NEIL3: variants seen among roughly 807,000 people sequenced by gnomAD.
The protein encoded by NEIL3 is nei like DNA glycosylase 3, also known as endonuclease 8-like 3.
Under a neutral mutation model 57.5 loss-of-function variants are expected in NEIL3, and 48 were observed. The ratio of observed to expected loss-of-function variants is 0.83; its 90% CI spans 0.66 to 1.06. The LOEUF (loss-of-function observed/expected upper bound fraction) is 1.06. Among genes scored for constraint, NEIL3 ranks in the 50% least tolerant of loss-of-function variants. NEIL3 has a pLI of 0.00. For synonymous variants in NEIL3, 261 were observed against 253.2 expected (o/e 1.03, Z -0.29); for missense variants, 717 against 739.1 (o/e 0.97, Z 0.35).
Position 177,336,126 on chromosome 4 carries a change from A to G in NEIL3, c.432A>G (p.Gln144=), listed in dbSNP as rs1734973770. ...SVELRNSMES[Q]QRIRMMKELD... is the part of the protein sequence containing the mutation. ...TCTATAGAAACTCAATGGAAAGCCA[A>G]CAGAGAATAAGAATGATGAAAGAAT... The change falls in exon 4 of 10, where the codon CAA becomes CAG. Residue 144 remains glutamine, a synonymous_variant. Transcript: ENST00000264596. The G allele has an allele frequency of 2.5e-6, 4 of 1,611,948 alleles. No homozygotes were observed. Among genetic ancestry groups the G allele is most frequent in the Non-Finnish European group, 3.4e-6 (4 of 1,178,116 alleles).
chr4:177,325,719 G>T (rs577128530), intron 2 of NEIL3, among the ~76,000 whole-genome samples: 4 of 151,952 alleles, frequency 2.6e-5, no homozygotes, highest in Non-Finnish European at 5.9e-5. Flanking sequence ...GCCAGCACCT[G>T]GTATTGTCAG....
At chr4:177,351,761 A>G (rs909653742) in intron 7 of NEIL3, among the ~76,000 whole-genome samples, 1 of 152,220 alleles carries the variant, frequency 6.6e-6, no homozygotes, top group Non-Finnish European at 1.5e-5. Flanking sequence ...TGTTTGTGCT[A>G]TAACAGTATG....
At chr4:177,350,012 A>G (rs529574460) in intron 6 of NEIL3, among the ~76,000 whole-genome samples, 25 of 152,252 alleles carry the variant, frequency 1.6e-4, no homozygotes, top group Non-Finnish European at 2.6e-4. Flanking sequence ...TTCCATAGGG[A>G]TAATAAATAC....
chr4:177,328,400 GC>G (rs766840344), intron 2 of NEIL3, among the ~76,000 whole-genome samples: 1 of 152,132 alleles, frequency 6.6e-6, no homozygotes, highest in Non-Finnish European at 1.5e-5. Flanking sequence ...CACGTACCTA[GC>G]CAATGTGCTA....
chr4:177,348,254 C>T (rs1273581120), intron 6 of NEIL3, among the ~76,000 whole-genome samples: 1 of 152,190 alleles, frequency 6.6e-6, no homozygotes, highest in East Asian at 1.9e-4. Context: ...ACATGACGCC[C>T]ATGCTGCTGG....
chr4:177,338,537 G>C (rs900100094), intron 4 of NEIL3, among the ~76,000 whole-genome samples: 2 of 151,426 alleles, frequency 1.3e-5, no homozygotes, highest in African/African-American at 4.8e-5. Context: ...GTCGTTGAAG[G>C]GTCAGCTGTA....
At chr4:177,365,100 G>A (rs538836065), downstream of NEIL3, among the ~76,000 whole-genome samples, 21 of 152,208 alleles carry the variant, frequency 1.4e-4, no homozygotes, top group East Asian at 1.5e-3. Flanking sequence ...TTATAACTAT[G>A]AGAAAAAAAT....
intron 2 of NEIL3, among the ~76,000 whole-genome samples, chr4:177,324,720 A>C (rs1330506554): frequency 6.6e-6 from 1 of 152,210 alleles, no homozygotes; most frequent in African/African-American, 2.4e-5. Context: ...AAATGTAACA[A>C]GTACTCAGTA....
At position 177,310,024 on chromosome 4, in the gene NEIL3, T is replaced by C. The variant is rs766627553; in HGVS notation, c.71T>C (p.Val24Ala). The C allele has an allele frequency of 3.7e-6, 6 of 1,610,294 alleles. No individual in the cohort carries two copies. The highest frequency in any genetic ancestry group is 5.1e-6 in the Non-Finnish European group (6 of 1,178,946). ...GCGCGGGTGCTCCCGGGCCAGGCGG[T>C]GACCGGCGTGCGGGGAAGCGCTCTG... is the stretch of plus-strand genomic sequence containing the variant. ...IRARVLPGQA[V>A]TGVRGSALRS... The change falls in exon 1 of 10, where the codon GTG becomes GCG. Residue 24 changes from valine to alanine, a missense_variant. Coordinates refer to ENST00000264596, the MANE Select transcript of NEIL3 (RefSeq NM_018248.3).
intron 2 of NEIL3, among the ~76,000 whole-genome samples, chr4:177,327,840 T>C (rs933711602): frequency 6.6e-6 from 1 of 152,226 alleles, no homozygotes; most frequent in Non-Finnish European, 1.5e-5. Context: ...ATGTGTGGAA[T>C]TCTATATTGA....
chr4:177,320,021 A>G (rs1041606535), intron 1 of NEIL3, among the ~76,000 whole-genome samples: 3 of 152,128 alleles, frequency 2.0e-5, no homozygotes, highest in African/African-American at 7.2e-5. Flanking sequence ...AAAATGTACA[A>G]CCTAATCTAT....
chr4:177,351,710 ATAT>A (rs1434616421), intron 7 of NEIL3, among the ~76,000 whole-genome samples, 161 bp downstream of exon 7: 3 of 152,234 alleles, frequency 2.0e-5, no homozygotes, highest in Non-Finnish European at 4.4e-5. Flanking sequence ...AACCATGCTA[ATAT>A]TCTGTTGAGT....
intron 1 of NEIL3, among the ~76,000 whole-genome samples, chr4:177,318,313 G>C (rs1578986612): frequency 6.6e-6 from 1 of 152,232 alleles, no homozygotes; most frequent in East Asian, 1.9e-4. Context: ...TTTCCTGTTT[G>C]TTTTTTCAAT....
intron 6 of NEIL3, among the ~76,000 whole-genome samples, chr4:177,345,010 C>G (rs999425099): frequency 6.6e-6 from 1 of 152,092 alleles, no homozygotes; most frequent in Non-Finnish European, 1.5e-5. Context: ...TTAGGGTCTG[C>G]TATACACCAG....
At chr4:177,320,407 C>T (rs1261637886) in intron 1 of NEIL3, among the ~76,000 whole-genome samples, 1 of 150,896 alleles carries the variant, frequency 6.6e-6, no homozygotes, top group Non-Finnish European at 1.5e-5. Flanking sequence ...TGGCATATAC[C>T]TACAGTCTCC....
chr4:177,343,670 A>T (rs1362374169), intron 6 of NEIL3: 2 of 152,110 alleles, frequency 1.3e-5, no homozygotes. Flanking sequence ...ACAGCACTCT[A>T]TATCTTCTTC....
At chr4:177,345,464 C>CT (rs11368079) in intron 6 of NEIL3, among the ~76,000 whole-genome samples, 10 of 139,352 alleles carry the variant, frequency 7.2e-5, no homozygotes, top group Admixed American at 7.7e-5. Flanking sequence ...CAAACCAACT[C>CT]TTTTTTTTTT....
At chr4:177,361,779 G>A (rs1427366629) in intron 9 of NEIL3, among the ~76,000 whole-genome samples, 1 of 151,962 alleles carries the variant, frequency 6.6e-6, no homozygotes, top group Non-Finnish European at 1.5e-5. Flanking sequence ...TGATCTTACA[G>A]GGTTTTTTTT....
chr4:177,324,988 A>ATAGATAGATAGATAG (rs1560910071), intron 2 of NEIL3, among the ~76,000 whole-genome samples: 2 of 113,158 alleles, frequency 1.8e-5, no homozygotes, highest in African/African-American at 7.2e-5. Context: ...TAGATAGATA[A>ATAGATAGATAGATAG]GTAAATATAT....
Sources: allele counts gnomAD v4.1 joint callset (sites outside exome capture counted in the v4.1 genomes callset), GRCh38; gene constraint gnomAD v4.1.1; transcripts MANE v1.5; gene names NCBI Gene and HGNC (gene_info 2026-07-23, HGNC 2026-07-21).